The following OSMR variants were observed in gnomAD, a reference collection of about 807,000 sequenced individuals.
The protein encoded by OSMR is oncostatin-M-specific receptor subunit beta.
A neutral mutation model predicts 99.9 loss-of-function variants in OSMR; 81 were observed. The ratio of observed to expected loss-of-function variants is 0.81; its 90% CI spans 0.68 to 0.97. The LOEUF is 0.97. Ranked by LOEUF, OSMR falls within the 50% of genes least tolerant of loss-of-function variation. The probability of loss-of-function intolerance (pLI) is 0.00; values close to 1 mark genes in which losing one functional copy is unlikely to be tolerated. For missense variants in OSMR, 1,099 were observed against 1,153.4 expected (o/e 0.95, Z 0.68); for synonymous variants, 406 against 410.4 (o/e 0.99, Z 0.13).
intron 14 of OSMR, 64 bp from the exon 15 acceptor site, chr5:38,925,140 G>A: frequency 6.2e-7 from 1 of 1,602,686 alleles, no homozygotes; most frequent in South Asian, 1.1e-5. Flanking sequence ...CTCACAAGAT[G>A]TTTACAACAC....
chr5:38,847,918 C>T (rs972474830), intron 1 of OSMR, among the ~76,000 whole-genome samples: 2 of 152,166 alleles, frequency 1.3e-5, no homozygotes, highest in Non-Finnish European at 1.5e-5. Flanking sequence ...GGGGAGAACA[C>T]ATAAACACTG....
At chr5:38,895,016 A>G (rs1018133482) in intron 7 of OSMR, among the ~76,000 whole-genome samples, 3 of 152,102 alleles carry the variant, frequency 2.0e-5, no homozygotes, top group African/African-American at 7.2e-5. Context: ...AAACAACAAA[A>G]TGAAGGAAGA....
intron 11 of OSMR, among the ~76,000 whole-genome samples, chr5:38,919,741 C>A (rs1746136091): frequency 6.6e-6 from 1 of 152,154 alleles, no homozygotes; most frequent in African/African-American, 2.4e-5. Flanking sequence ...ATGAACCTTG[C>A]AATAATATTA....
chr5:38,943,159 T>A lies in OSMR; in HGVS notation c.75-1042T>A, dbSNP rs1747780669. ...CACACTTAGACATTCTGAGTTTGGGTTTTTTTTTAAAAAAAATGATTATCA... is the reference window on the plus strand; with the variant it reads ...CACACTTAGACATTCTGAGTTTGGGATTTTTTTTAAAAAAAATGATTATCA... On this transcript the variant is annotated intron_variant and NMD_transcript_variant, in intron 1 of 2. Coordinates refer to the OSMR transcript ENST00000508882. 3 of 293,058 alleles carry A rather than the reference T, an allele frequency of 1.0e-5. No individual in the cohort carries two copies. In the South Asian group the frequency reaches 2.3e-4, roughly 22 times the overall value. The allele number at this position is 293,058 out of a possible 1,614,324, so 18.2% of individuals were successfully genotyped here. A position where few individuals can be genotyped will look rare whatever the true frequency, so the allele number is the denominator to read the frequency against.
intron 14 of OSMR, 161 bp from the exon 15 acceptor site, chr5:38,925,043 C>T (rs765797959): frequency 3.6e-4 from 353 of 982,020 alleles, no homozygotes; most frequent in Non-Finnish European, 3.9e-4. Context: ...CCTGGTGTGC[C>T]CATGGTGATG....
chr5:38,925,507 C>G lies in OSMR; in HGVS notation c.2212+136C>G, dbSNP rs1746435726. ...CTCCCCTTCTCACCTCCCTCTTTCT[C>G]TTGATGAAACCCTTTTTGTCACAAA... On this transcript the variant is annotated intron_variant, in intron 15 of 17. Transcript: ENST00000274276. 3.9e-6 allele frequency: 3 copies of G among 765,806 alleles called. No homozygotes were observed. In the Admixed American group the frequency reaches 6.0e-5, roughly 15 times the overall value. The allele number at this position is 765,806 out of a possible 1,614,324, so 47.4% of individuals were successfully genotyped here.
At chr5:38,859,736 ATTTG>A (rs60958085) in intron 1 of OSMR, among the ~76,000 whole-genome samples, 40,709 of 151,770 alleles carry the variant, frequency 0.27, 5,800 homozygotes, top group South Asian at 0.46. Flanking sequence ...ATGAGAATGT[ATTTG>A]TTTGTGTTTT....
intron 15 of OSMR, 72 bp from the exon 16 acceptor site, chr5:38,931,811 A>T: frequency 6.3e-7 from 1 of 1,578,342 alleles, no homozygotes; most frequent in Non-Finnish European, 8.7e-7. Flanking sequence ...TTTCAATCAT[A>T]AACTTGTATT....
intron 1 of OSMR, among the ~76,000 whole-genome samples, chr5:38,846,885 C>A (rs1739879541): frequency 6.6e-6 from 1 of 152,210 alleles, no homozygotes; most frequent in Admixed American, 6.5e-5. Flanking sequence ...TCTCGCAGGC[C>A]AGGGCTTTAC....
At chr5:38,893,707 T>C (rs1453056340) in intron 7 of OSMR, among the ~76,000 whole-genome samples, 1 of 152,190 alleles carries the variant, frequency 6.6e-6, no homozygotes, top group Non-Finnish European at 1.5e-5. Flanking sequence ...AGTGTTGGCA[T>C]TCTTGAGAGA....
At chr5:38,899,942 C>T (rs1744787777) in intron 7 of OSMR, among the ~76,000 whole-genome samples, 1 of 152,126 alleles carries the variant, frequency 6.6e-6, no homozygotes, top group African/African-American at 2.4e-5. Flanking sequence ...CATCTTTCCC[C>T]AAAGTCTGCT....
chr5:38,922,708 C>T (rs1427184737), intron 12 of OSMR, among the ~76,000 whole-genome samples: 1 of 152,062 alleles, frequency 6.6e-6, no homozygotes, highest in African/African-American at 2.4e-5. Flanking sequence ...GAGGGAATAT[C>T]GTGGGGATGA....
At chr5:38,915,817 T>G (rs1277814677) in intron 9 of OSMR, among the ~76,000 whole-genome samples, 1 of 152,198 alleles carries the variant, frequency 6.6e-6, no homozygotes, top group Non-Finnish European at 1.5e-5. Flanking sequence ...CAAAATGTGA[T>G]TGAGTAGAGA....
At chr5:38,877,258 T>C (rs1742911972) in intron 3 of OSMR, among the ~76,000 whole-genome samples, 3 of 152,304 alleles carry the variant, frequency 2.0e-5, no homozygotes, top group South Asian at 4.1e-4. Context: ...ACCCAGGTAG[T>C]GGAGGCTTTG....
chr5:38,940,488 C>T (rs1289235396), downstream of OSMR: 1 of 232,642 alleles, frequency 4.3e-6, no homozygotes, highest in African/African-American at 2.2e-5. Context: ...ACCACGATGA[C>T]AGGCAACGTT....
chr5:38,854,038 C>G (rs1740662058), intron 1 of OSMR, among the ~76,000 whole-genome samples: 1 of 149,888 alleles, frequency 6.7e-6, no homozygotes, highest in South Asian at 2.1e-4. Context: ...ACTGGCAGTA[C>G]TCTTAAAAAA....
intron 1 of OSMR, among the ~76,000 whole-genome samples, chr5:38,847,940 C>CT (rs1394460904): frequency 6.6e-6 from 1 of 152,206 alleles, no homozygotes; most frequent in Non-Finnish European, 1.5e-5. Flanking sequence ...TTCTTTCCCC[C>CT]TCTACCCTTT....
At chr5:38,932,711 G>A in intron 17 of OSMR, 161 bp from the exon 18 acceptor site, 1 of 985,318 alleles carries the variant, frequency 1.0e-6, no homozygotes, top group South Asian at 4.7e-5. Context: ...TCTGTCAGGG[G>A]AAATCTTTTG....
downstream of OSMR, chr5:38,939,670 C>A (rs1235519241): frequency 2.2e-5 from 5 of 230,620 alleles, no homozygotes; most frequent in Non-Finnish European, 3.4e-5. Flanking sequence ...CACAACTGCC[C>A]AGATTCCTCC....
Sources: allele counts gnomAD v4.1 joint callset (sites outside exome capture counted in the v4.1 genomes callset), GRCh38; gene constraint gnomAD v4.1.1; transcripts MANE v1.5; gene names NCBI Gene and HGNC (gene_info 2026-07-23, HGNC 2026-07-21).